Variants in CAMSAP3 observed in about 807,000 individuals in gnomAD.
CAMSAP3 encodes calmodulin regulated spectrin associated protein family member 3.
CAMSAP3 carries 34 observed loss-of-function variants against 112.5 expected under a neutral mutation model. The ratio of observed to expected loss-of-function variants is 0.30; its 90% CI spans 0.23 to 0.40. The LOEUF (loss-of-function observed/expected upper bound fraction) is 0.40. Among genes scored for constraint, CAMSAP3 ranks in the 10% least tolerant of loss-of-function variants. The probability of loss-of-function intolerance (pLI) is 1.00; values close to 1 mark genes in which losing one functional copy is unlikely to be tolerated. For missense variants in CAMSAP3, 1,602 were observed against 1,770.3 expected (o/e 0.90, Z 1.71); for synonymous variants, 868 against 799.8 (o/e 1.09, Z -1.44).
chr19:7,612,805 G>A lies in CAMSAP3; in HGVS notation c.2312G>A (p.Gly771Glu). Residue 771 changes from glycine to glutamate, a missense_variant, in exon 11 of 17, where the codon GGG becomes GAG. Gly to Glu is a moderately conservative substitution (Grantham distance 98). Coordinates refer to ENST00000160298, the MANE Select transcript of CAMSAP3 (RefSeq NM_020902.2). ...GTCCCGGCCACCCGGCGCAGCCCTG[G>A]GCCCGGGCCCAGCCAGTCACCCCGC... ...RRVPATRRSPGPGPSQSPRSP... is the reference protein window; with the variant it reads ...RRVPATRRSPEPGPSQSPRSP... 1 of 1,542,610 alleles carries A rather than the reference G, an allele frequency of 6.5e-7. No homozygotes were observed. Among genetic ancestry groups the A allele is most frequent in the Non-Finnish European group, 8.7e-7 (1 of 1,149,882 alleles).
In CAMSAP3 at chr19:7,617,279, C is replaced by G; in HGVS notation, c.3213-47C>G. The G allele has an allele frequency of 7.4e-7, 1 of 1,353,664 alleles. No homozygotes were observed. The allele number at this position is 1,353,664 out of a possible 1,614,324, so 83.9% of individuals were successfully genotyped here. ...AAGCTTCCCATCTCTGACCCCACCT[C>G]CATCCCATCCTGACCCCACCTCCAT... On this transcript the variant is annotated intron_variant, in intron 14 of 16. Transcript: ENST00000160298. The surrounding 1 kb of genome is among the most constrained non-coding windows in gnomAD (Gnocchi z 7.5).
intron 14 of CAMSAP3, among the ~76,000 whole-genome samples, chr19:7,616,950 T>TG (rs959060309): frequency 3.7e-4 from 50 of 133,722 alleles, no homozygotes; most frequent in South Asian, 1.5e-3. Flanking sequence ...TTTTTTTTTT[T>TG]TTTTTTTTGT....
At chr19:7,616,847 C>T (rs763238876) in intron 14 of CAMSAP3, among the ~76,000 whole-genome samples, 3 of 150,898 alleles carry the variant, frequency 2.0e-5, no homozygotes, top group African/African-American at 7.4e-5. Flanking sequence ...CCAGGTGTTC[C>T]TGTGGGAGGA....
chr19:7,605,147 GGTGTGTGTGTGT>G (rs56244737), intron 1 of CAMSAP3, 67 bp from the exon 2 acceptor site: 5 of 624,566 alleles, frequency 8.0e-6, no homozygotes, highest in African/African-American at 2.2e-5. Context: ...CGGGCCATGT[GGTGTGTGTGTGT>G]GTGTGTGTGT....
intron 5 of CAMSAP3, among the ~76,000 whole-genome samples, 162 bp downstream of exon 5, chr19:7,608,426 C>G (rs1207189701): frequency 6.6e-6 from 1 of 152,132 alleles, no homozygotes; most frequent in African/African-American, 2.4e-5. Context: ...CTCTCTCTTC[C>G]CCAATGAGCT....
At chr19:7,606,754 CCT>C (rs1472689275) in intron 4 of CAMSAP3, 183 bp downstream of exon 4, 9 of 1,613,718 alleles carry the variant, frequency 5.6e-6, no homozygotes, top group Non-Finnish European at 7.6e-6. Flanking sequence ...CCGCTGCCCT[CCT>C]CTCTGCCTCT....
In CAMSAP3 at chr19:7,616,655, G is replaced by A. The variant is rs745618109; in HGVS notation, c.3212+33G>A. 15 of 1,519,040 alleles carry A rather than the reference G, an allele frequency of 9.9e-6. 1 individual carries two copies. The South Asian group carries it at 1.5e-4, about 15-fold the overall frequency. The allele number at this position is 1,519,040 out of a possible 1,614,324, so 94.1% of individuals were successfully genotyped here. Reference sequence around the variant, plus strand: ...TAGCCCGCACAGGCGGGGTTCGTATGCCGGGTGGCTTCCCAGAGCCTGGGA... The same window carrying A: ...TAGCCCGCACAGGCGGGGTTCGTATACCGGGTGGCTTCCCAGAGCCTGGGA... On this transcript the variant is annotated intron_variant, in intron 14 of 16. Transcript: ENST00000160298.
intron 2 of CAMSAP3, 115 bp from the exon 3 acceptor site, chr19:7,606,156 A>AACC (rs2030206864): frequency 4.1e-4 from 94 of 227,778 alleles, no homozygotes; most frequent in East Asian, 1.7e-3. Context: ...CTCAAGCCCC[A>AACC]CCCCCCCCGT....
Position 7,610,012 on chromosome 19 carries a change from G to T in CAMSAP3, c.761-464G>T, listed in dbSNP as rs2030394102. 6.6e-6 allele frequency among the ~76,000 whole-genome samples: 1 copy of T among 152,102 alleles called. No individual in the cohort carries two copies. The highest frequency in any genetic ancestry group is 1.5e-5 in the Non-Finnish European group (1 of 68,004). On this transcript the variant is annotated intron_variant, in intron 5 of 16. Transcript: ENST00000160298. This position sits in a 1 kb window ranked among gnomAD's most constrained non-coding sequence, Gnocchi z 4.9. ...GGGGGTTAAGGACCCCCGGCCTAAG[G>T]ACGGTCTATCATATAATTCACCTCG...
At position 7,612,889 on chromosome 19, in the gene CAMSAP3, C is replaced by T. The variant is rs1223423743; in HGVS notation, c.2396C>T (p.Thr799Met). The change falls in exon 11 of 17, where the codon ACG (threonine) becomes ATG (methionine). Residue 799 changes from threonine to methionine, a missense_variant. Thr to Met is a moderately conservative substitution (Grantham distance 81). This residue lies in a region of CAMSAP3 where 1,100 missense variants were observed against 1,135.7 expected (regional missense o/e 0.97). Transcript: ENST00000160298. ...LRLAPLTRVLTPPHDVDSLPH... is the reference protein window; with the variant it reads ...LRLAPLTRVLMPPHDVDSLPH... ...CTGGCACCCTTGACCAGGGTGCTTACGCCACCCCACGACGTAGACAGCCTC... is the reference window on the plus strand; with the variant it reads ...CTGGCACCCTTGACCAGGGTGCTTATGCCACCCCACGACGTAGACAGCCTC... 6.2e-7 allele frequency: 1 copy of T among 1,607,902 alleles called. No individual in the cohort carries two copies. The highest frequency in any genetic ancestry group is 1.1e-5 in the South Asian group (1 of 90,730).
At position 7,610,057 on chromosome 19, in the gene CAMSAP3, G is replaced by A. The variant is rs1172502943; in HGVS notation, c.761-419G>A. On this transcript the variant is annotated intron_variant, in intron 5 of 16. Coordinates refer to ENST00000160298, the MANE Select transcript of CAMSAP3 (RefSeq NM_020902.2). This position sits in a 1 kb window ranked among gnomAD's most constrained non-coding sequence, Gnocchi z 4.9. ...ACCTCGGCCGGGTACAGTGGCTCACGCCTGTAATCCCAGCACTTTGGGTGG... is the reference window on the plus strand; with the variant it reads ...ACCTCGGCCGGGTACAGTGGCTCACACCTGTAATCCCAGCACTTTGGGTGG... Among the ~76,000 whole-genome samples, 8 of 152,124 alleles carry A rather than the reference G, an allele frequency of 5.3e-5. No individual in the cohort carries two copies. The highest frequency in any genetic ancestry group is 1.2e-4 in the Non-Finnish European group (8 of 68,014).
chr19:7,596,093 C>G lies in CAMSAP3; in HGVS notation c.91C>G (p.Arg31Gly). Reference protein sequence around the residue: ...IKSLDQYDFSRAKAAASLAWV... With the variant: ...IKSLDQYDFSGAKAAASLAWV... Reference sequence around the variant, plus strand: ...GTCGCTGGACCAGTACGATTTCTCGCGGGCCAAGGCGGCGGCCAGCCTGGC... The same window carrying G: ...GTCGCTGGACCAGTACGATTTCTCGGGGGCCAAGGCGGCGGCCAGCCTGGC... Residue 31 changes from arginine to glycine, a missense_variant, in exon 1 of 17, where the codon CGG (arginine) becomes GGG (glycine). Arg to Gly is a moderately radical substitution (Grantham distance 125). Around this residue, in one of 6 missense-constraint regions of CAMSAP3, gnomAD observed 147 missense variants for 144.6 expected, o/e 1.02. Transcript: ENST00000160298. 8.0e-7 allele frequency: 1 copy of G among 1,249,318 alleles called. No individual in the cohort carries two copies. The highest frequency in any genetic ancestry group is 1.5e-5 in the South Asian group (1 of 66,222). The allele number at this position is 1,249,318 out of a possible 1,614,324, so 77.4% of individuals were successfully genotyped here. A position where few individuals can be genotyped will look rare whatever the true frequency, so the allele number is the denominator to read the frequency against.
rs761680145 is a variant in CAMSAP3, at chr19:7,611,683, C to T, written c.1194-4C>T. 4.5e-6 allele frequency: 7 copies of T among 1,562,830 alleles called. No homozygotes were observed. The highest frequency in any genetic ancestry group is 6.1e-6 in the Non-Finnish European group (7 of 1,151,580). On this transcript the variant is annotated splice_polypyrimidine_tract_variant and splice_region_variant and intron_variant, in intron 10 of 16. Transcript: ENST00000160298. This position sits in a 1 kb window ranked among gnomAD's most constrained non-coding sequence, Gnocchi z 6.9. ...GGGGCTGACCCCTCCCTCCGGCCGC[C>T]CAGCCGTCCCCTCTCCCAGGCTGTG...
At position 7,595,982 on chromosome 19, in the gene CAMSAP3, G is replaced by A. The variant is rs2024428534; in HGVS notation, c.-21G>A. ...AGCCCAGTCCGAGCGCGGACCCGGC[G>A]CCCGCAGCCCCGGCGCCGCCATGGT... On this transcript the variant is annotated 5_prime_UTR_variant, in exon 1 of 17. Transcript: ENST00000160298. 4.7e-6 allele frequency: 5 copies of A among 1,060,764 alleles called. No individual in the cohort carries two copies. Among genetic ancestry groups the A allele is most frequent in the Non-Finnish European group, 4.6e-6 (4 of 872,632 alleles). 65.7% of individuals were successfully genotyped at this position (1,060,764 alleles called of 1,614,324 possible).
At chr19:7,602,611 G>A (rs373079647) in intron 1 of CAMSAP3, among the ~76,000 whole-genome samples, 1 of 152,224 alleles carries the variant, frequency 6.6e-6, no homozygotes, top group East Asian at 1.9e-4. Flanking sequence ...CTGCCTTGGG[G>A]GCAGGGAGGA....
At position 7,615,191 on chromosome 19, in the gene CAMSAP3, C is replaced by T; in HGVS notation, c.2679C>T (p.Asp893=). The part of the protein sequence containing the change: ...VGLGFFYKDE[D]KPEDEMAQKR... ...TCGGCGTCTGTCCCCAGGATGAAGACAAGCCTGAGGACGAGATGGCCCAAA... is the reference window on the plus strand; with the variant it reads ...TCGGCGTCTGTCCCCAGGATGAAGATAAGCCTGAGGACGAGATGGCCCAAA... The change falls in exon 12 of 17, where the codon GAC becomes GAT. Residue 893 remains aspartate, a synonymous_variant. Coordinates refer to ENST00000160298, the MANE Select transcript of CAMSAP3 (RefSeq NM_020902.2). This position sits in a 1 kb window ranked among gnomAD's most constrained non-coding sequence, Gnocchi z 6.5. The T allele has an allele frequency of 1.3e-6, 2 of 1,554,842 alleles. No homozygotes were observed. Among genetic ancestry groups the T allele is most frequent in the Non-Finnish European group, 1.7e-6 (2 of 1,149,582 alleles).
chr19:7,612,655 C>T lies in CAMSAP3; in HGVS notation c.2162C>T (p.Thr721Met), dbSNP rs768473247. The change falls in exon 11 of 17, where the codon ACG (threonine) becomes ATG (methionine). Residue 721 changes from threonine (T) to methionine (M), a missense_variant. Coordinates refer to ENST00000160298, the MANE Select transcript of CAMSAP3 (RefSeq NM_020902.2). Reference sequence around the variant, plus strand: ...CTGCAGCGGGACATGCAGAGGCTCACGGACCAGCAGCAGCGGCTCCTGGCC... The same window carrying T: ...CTGCAGCGGGACATGCAGAGGCTCATGGACCAGCAGCAGCGGCTCCTGGCC... Reference protein sequence around the residue: ...SSLQRDMQRLTDQQQRLLAPP... With the variant: ...SSLQRDMQRLMDQQQRLLAPP... The T allele has an allele frequency of 2.0e-6, 3 of 1,515,048 alleles. No individual in the cohort carries two copies. Among genetic ancestry groups the T allele is most frequent in the Non-Finnish European group, 1.8e-6 (2 of 1,132,962 alleles). The allele number at this position is 1,515,048 out of a possible 1,614,324, so 93.9% of individuals were successfully genotyped here. A position where few individuals can be genotyped will look rare whatever the true frequency, so the allele number is the denominator to read the frequency against.
chr19:7,610,431 C>A lies in CAMSAP3; in HGVS notation c.761-45C>A. 1 of 1,564,100 alleles carries A rather than the reference C, an allele frequency of 6.4e-7. No homozygotes were observed. Among genetic ancestry groups the A allele is most frequent in the Non-Finnish European group, 8.7e-7 (1 of 1,154,542 alleles). Reference sequence around the variant, plus strand: ...GTCCCTGGCTTCCCTGGGGCCCCATCCTCCTCCTCATAGAGTTGGGGACCC... The same window carrying A: ...GTCCCTGGCTTCCCTGGGGCCCCATACTCCTCCTCATAGAGTTGGGGACCC... On this transcript the variant is annotated intron_variant, in intron 5 of 16. Coordinates refer to ENST00000160298, the MANE Select transcript of CAMSAP3 (RefSeq NM_020902.2). This position sits in a 1 kb window ranked among gnomAD's most constrained non-coding sequence, Gnocchi z 4.9.
chr19:7,606,083 T>G (rs2030199405), intron 2 of CAMSAP3, among the ~76,000 whole-genome samples, 188 bp from the exon 3 acceptor site: 1 of 152,060 alleles, frequency 6.6e-6, no homozygotes, highest in Non-Finnish European at 1.5e-5. Context: ...GCGTGGCTTT[T>G]CCGGGACCCC....
Sources: allele counts gnomAD v4.1 joint callset (sites outside exome capture counted in the v4.1 genomes callset), GRCh38; gene constraint gnomAD v4.1.1; regional missense constraint gnomAD v4.1.1; non-coding constraint Gnocchi (gnomAD v3.1); transcripts MANE v1.5; gene names NCBI Gene and HGNC (gene_info 2026-07-23, HGNC 2026-07-21).